Variants in VPS13B observed in about 807,000 individuals in gnomAD.
VPS13B encodes the protein vacuolar protein sorting 13 homolog B.
In VPS13B, 285 loss-of-function variants were observed where a neutral mutation model predicts 426.4. The ratio of observed to expected loss-of-function variants is 0.67; its 90% CI spans 0.61 to 0.74. VPS13B has a LOEUF of 0.74. VPS13B is among the 30% of genes least tolerant of loss of function. The probability of loss-of-function intolerance (pLI) is 0.00; values close to 1 mark genes in which losing one functional copy is unlikely to be tolerated. For synonymous variants in VPS13B, 1,676 were observed against 1,676.4 expected (o/e 1.00, Z 0.01); for missense variants, 4,537 against 4,782.6 (o/e 0.95, Z 1.51).
chr8:99,594,930 A>G lies in VPS13B; in HGVS notation c.5220+17297A>G, dbSNP rs78486672. Among the ~76,000 whole-genome samples the G allele has an allele frequency of 2.3e-3, 353 of 152,072 alleles. 9 individuals carry two copies. The East Asian group carries it at 0.049, about 21-fold the overall frequency. ...ACCAATCTTCATGAAATCAGTTAGG[A>G]CTGTTATTAATGGGTCACTGTCAAA... On this transcript the variant is annotated intron_variant, in intron 33 of 61. Coordinates refer to ENST00000357162, the MANE Select transcript of VPS13B (RefSeq NM_152564.5).
At chr8:99,138,371 T>C (rs1810199469) in intron 12 of VPS13B, among the ~76,000 whole-genome samples, 1 of 152,164 alleles carries the variant, frequency 6.6e-6, no homozygotes. Context: ...AAGTGATCCA[T>C]CCACCTTGGC....
At chr8:99,349,354 A>AAAAC (rs1811739589) in intron 19 of VPS13B, among the ~76,000 whole-genome samples, 6 of 149,760 alleles carry the variant, frequency 4.0e-5, no homozygotes, top group Admixed American at 2.0e-4. Flanking sequence ...AAAAAAAAAA[A>AAAAC]AGAAAATAGC....
rs578007331 is a variant in VPS13B, at chr8:99,140,032, T to G, written c.1652-2942T>G. Among the ~76,000 whole-genome samples the G allele has an allele frequency of 8.5e-5, 13 of 152,206 alleles. No individual in the cohort carries two copies. The South Asian group carries it at 2.7e-3, about 32-fold the overall frequency. On this transcript the variant is annotated intron_variant, in intron 12 of 61. Transcript: ENST00000357162. Reference sequence around the variant, plus strand: ...CTGATAGTTTGAAGGCGGATTTGATTTTGTGTGTTTTAAGTAAGTTCATGG... The same window carrying G: ...CTGATAGTTTGAAGGCGGATTTGATGTTGTGTGTTTTAAGTAAGTTCATGG...
intron 3 of VPS13B, among the ~76,000 whole-genome samples, chr8:99,057,552 A>C (rs1207009560): frequency 6.6e-6 from 1 of 152,066 alleles, no homozygotes; most frequent in South Asian, 2.1e-4. Flanking sequence ...TCCTTGGATA[A>C]TTTTATTCCC....
chr8:99,821,103 AACACACACACACAC>A (rs755074579), intron 49 of VPS13B, among the ~76,000 whole-genome samples, 177 bp from the exon 50 acceptor site: 963 of 78,356 alleles, frequency 0.012, 18 homozygotes, highest in African/African-American at 0.037. Flanking sequence ...GTCATTACAA[AACACACACACACAC>A]ACACACACAC....
intron 12 of VPS13B, among the ~76,000 whole-genome samples, chr8:99,141,771 G>A (rs11777494): frequency 0.021 from 3,212 of 151,840 alleles, 51 homozygotes; most frequent in Middle Eastern, 0.071. Context: ...TTGGCCAGGC[G>A]TGGTGGCTCA....
intron 13 of VPS13B, among the ~76,000 whole-genome samples, chr8:99,147,485 C>T (rs1051153448): frequency 5.3e-5 from 8 of 152,080 alleles, no homozygotes; most frequent in Non-Finnish European, 8.8e-5. Flanking sequence ...GGATCTTCCC[C>T]CTCCCCATCT....
chr8:99,629,894 C>T (rs1430727355), intron 33 of VPS13B, among the ~76,000 whole-genome samples: 1 of 152,154 alleles, frequency 6.6e-6, no homozygotes, highest in African/African-American at 2.4e-5. Flanking sequence ...TCTCTAGTCA[C>T]CTACTCCCCT....
intron 17 of VPS13B, among the ~76,000 whole-genome samples, chr8:99,201,941 A>G (rs1489223002): frequency 6.6e-6 from 1 of 152,242 alleles, no homozygotes; most frequent in Non-Finnish European, 1.5e-5. Context: ...CATCTATAAA[A>G]TAATGAAAAT....
chr8:99,689,079 G>A (rs1409521038), intron 35 of VPS13B, among the ~76,000 whole-genome samples: 3 of 152,018 alleles, frequency 2.0e-5, no homozygotes, highest in African/African-American at 7.3e-5. Context: ...CTTCTTTCCG[G>A]TAAAGAATAA....
At chr8:99,470,031 A>T (rs537153263) in intron 24 of VPS13B, among the ~76,000 whole-genome samples, 10 of 152,286 alleles carry the variant, frequency 6.6e-5, no homozygotes, top group African/African-American at 2.2e-4. Flanking sequence ...GGCCCTACTG[A>T]TACCTTGATT....
rs147992185 is a variant in VPS13B at position 99,497,647 on chromosome 8, G to T, written c.3871-4040G>T. ...AAAGTGAATATTGGACTGAGAGATT[G>T]TTTGGCATCAACTTCAGAGTTGTTG... On this transcript the variant is annotated intron_variant, in intron 25 of 61. Coordinates refer to ENST00000357162, the MANE Select transcript of VPS13B (RefSeq NM_152564.5). Among the ~76,000 whole-genome samples, 488 of 152,134 alleles carry T rather than the reference G, an allele frequency of 3.2e-3. 5 individuals are homozygous for T. Among genetic ancestry groups the T allele is most frequent in the African/African-American group, 0.011 (461 of 41,558 alleles).
chr8:99,271,406 TG>T (rs1818599796), intron 17 of VPS13B, among the ~76,000 whole-genome samples: 1 of 152,160 alleles, frequency 6.6e-6, no homozygotes, highest in African/African-American at 2.4e-5. Flanking sequence ...CTCTTTAAAG[TG>T]TGCTCTAGAC....
intron 35 of VPS13B, among the ~76,000 whole-genome samples, chr8:99,692,189 G>A (rs369276354): frequency 0.03 from 4,467 of 147,008 alleles, 92 homozygotes; most frequent in East Asian, 0.081. Context: ...TGCACCAAGC[G>A]GACCTAATAG....
chr8:99,135,011 A>T lies in VPS13B; in HGVS notation c.1303-4A>T. ...TAGTTCTAATGTTTCCTTTCGTCTT[A>T]TAGGCCCTTATGATGGGAGAACCTT... On this transcript the variant is annotated splice_polypyrimidine_tract_variant and splice_region_variant and intron_variant, in intron 9 of 61. Transcript: ENST00000357162. 6.2e-7 allele frequency: 1 copy of T among 1,613,478 alleles called. No individual in the cohort carries two copies.
chr8:99,210,648 C>T (rs1815033941), intron 17 of VPS13B, among the ~76,000 whole-genome samples: 1 of 152,074 alleles, frequency 6.6e-6, no homozygotes, highest in South Asian at 2.1e-4. Flanking sequence ...TTCCATCTCT[C>T]AGGCTGGAGT....
chr8:99,612,990 T>A (rs1050033684), intron 33 of VPS13B, among the ~76,000 whole-genome samples: 14 of 152,212 alleles, frequency 9.2e-5, no homozygotes, highest in Admixed American at 9.2e-4. Context: ...AAATGATCAT[T>A]TGTATTTCTG....
At chr8:99,359,779 G>A (rs906934814) in intron 19 of VPS13B, among the ~76,000 whole-genome samples, 4 of 152,126 alleles carry the variant, frequency 2.6e-5, no homozygotes, top group African/African-American at 7.2e-5. Context: ...TAGAATCAGC[G>A]TACAACCAAA....
intron 20 of VPS13B, among the ~76,000 whole-genome samples, chr8:99,391,343 G>A (rs1814435465): frequency 6.8e-6 from 1 of 147,798 alleles, no homozygotes; most frequent in African/African-American, 2.5e-5. Context: ...GTGTGCATGT[G>A]TGTCTGTGTC....
Sources: allele counts gnomAD v4.1 joint callset (sites outside exome capture counted in the v4.1 genomes callset), GRCh38; gene constraint gnomAD v4.1.1; transcripts MANE v1.5; gene names NCBI Gene and HGNC (gene_info 2026-07-23, HGNC 2026-07-21).